NCAM2: variants seen among roughly 807,000 people sequenced by gnomAD.
NCAM2 encodes N-CAM-2.
In NCAM2, 30 loss-of-function variants were observed where a neutral mutation model predicts 98.1. The observed-to-expected ratio is 0.31, with a 90% CI of 0.23 to 0.41. The LOEUF (loss-of-function observed/expected upper bound fraction) is 0.41. NCAM2 is among the 10% of genes least tolerant of loss of function. The pLI is 1.00. For missense variants in NCAM2, 867 were observed against 1,005.8 expected, an observed-to-expected ratio of 0.86 and a Z score of 1.87; for synonymous variants, 368 against 342.4, an observed-to-expected ratio of 1.07 and a Z score of -0.83.
intron 1 of NCAM2, among the ~76,000 whole-genome samples, chr21:21,204,875 A>C (rs2147047884): frequency 6.6e-6 from 1 of 152,240 alleles, no homozygotes; most frequent in South Asian, 2.1e-4. Context: ...ATTTTCATAT[A>C]AATATAGAAC....
intron 1 of NCAM2, among the ~76,000 whole-genome samples, chr21:21,261,192 G>T (rs932470728): frequency 2.6e-5 from 4 of 152,064 alleles, no homozygotes; most frequent in African/African-American, 9.7e-5. Flanking sequence ...AGCACAGCCA[G>T]ATTTAAAAAA....
At chr21:21,259,119 A>G (rs1028386520) in intron 1 of NCAM2, among the ~76,000 whole-genome samples, 2 of 151,934 alleles carry the variant, frequency 1.3e-5, no homozygotes, top group Admixed American at 1.3e-4. Context: ...CGGTGGCTCC[A>G]CTCCCCCTGA....
intron 1 of NCAM2, among the ~76,000 whole-genome samples, chr21:21,154,082 A>AT (rs2067534761): frequency 6.6e-6 from 1 of 151,918 alleles, no homozygotes; most frequent in Non-Finnish European, 1.5e-5. Context: ...TGCCTGCTGC[A>AT]TGTTCATGTA....
At chr21:21,465,466 G>A (rs930624617) in intron 12 of NCAM2, among the ~76,000 whole-genome samples, 21 of 150,512 alleles carry the variant, frequency 1.4e-4, no homozygotes, top group African/African-American at 5.1e-4. Flanking sequence ...AAATATTGAG[G>A]AAAAGAATGG....
intron 1 of NCAM2, among the ~76,000 whole-genome samples, chr21:21,113,227 T>C (rs1431793368): frequency 1.3e-5 from 2 of 152,190 alleles, no homozygotes; most frequent in Non-Finnish European, 2.9e-5. Context: ...TTTGCGCTAG[T>C]AGGCAAAAGC....
At chr21:21,259,377 C>G (rs2071804614) in intron 1 of NCAM2, among the ~76,000 whole-genome samples, 2 of 151,642 alleles carry the variant, frequency 1.3e-5, no homozygotes, top group South Asian at 4.3e-4. Flanking sequence ...GTCGTAAGTC[C>G]TGCAGTAGCA....
chr21:21,382,729 G>A lies in NCAM2; in HGVS notation c.1195+8716G>A, dbSNP rs970727817. Among the ~76,000 whole-genome samples the A allele has an allele frequency of 4.0e-5, 6 of 151,596 alleles. No individual in the cohort carries two copies. The South Asian group carries it at 6.3e-4, about 16-fold the overall frequency. On this transcript the variant is annotated intron_variant, in intron 9 of 17. Coordinates refer to ENST00000400546, the MANE Select transcript of NCAM2 (RefSeq NM_004540.5). Reference sequence around the variant, plus strand: ...GTATTTTTAGTAGAGACGGGGTTTCGCCATGTTGGCCAAGCTGGTCTCAGA... The same window carrying A: ...GTATTTTTAGTAGAGACGGGGTTTCACCATGTTGGCCAAGCTGGTCTCAGA...
chr21:21,218,033 G>A (rs910218648), intron 1 of NCAM2, among the ~76,000 whole-genome samples: 3 of 152,170 alleles, frequency 2.0e-5, no homozygotes, highest in East Asian at 1.9e-4. Flanking sequence ...CTGTGCAGAC[G>A]GCTAGCTGTT....
At chr21:21,368,372 C>G (rs1220732572) in intron 8 of NCAM2, among the ~76,000 whole-genome samples, 1 of 151,868 alleles carries the variant, frequency 6.6e-6, no homozygotes, top group African/African-American at 2.4e-5. Flanking sequence ...TCACTCTTTT[C>G]CATTTTCACT....
At chr21:21,262,076 C>T (rs929071287) in intron 1 of NCAM2, among the ~76,000 whole-genome samples, 5 of 152,128 alleles carry the variant, frequency 3.3e-5, no homozygotes, top group Admixed American at 6.6e-5. Flanking sequence ...CCACTATGAA[C>T]ATCTCTATGC....
At position 21,247,211 on chromosome 21, in the gene NCAM2, C is replaced by T. The variant is rs182868952; in HGVS notation, c.56-33367C>T. Among the ~76,000 whole-genome samples, 80 of 151,834 alleles carry T rather than the reference C, an allele frequency of 5.3e-4. 2 individuals are homozygous for T. The East Asian group carries it at 0.013, about 24-fold the overall frequency. ...GTGGGCACCTGTAGTCCCAGCTACT[C>T]GGGAGGCTGAGGCAGGAGAATGGCG... On this transcript the variant is annotated intron_variant, in intron 1 of 17. Coordinates refer to ENST00000400546, the MANE Select transcript of NCAM2 (RefSeq NM_004540.5).
At chr21:21,373,780 A>G in intron 8 of NCAM2, 83 bp from the exon 9 acceptor site, 1 of 1,157,344 alleles carries the variant, frequency 8.6e-7, no homozygotes, top group Non-Finnish European at 1.2e-6. Context: ...GAAACATGGG[A>G]AGTAACATAA....
intron 2 of NCAM2, 146 bp from the exon 3 acceptor site, chr21:21,284,048 T>C (rs1386791667): frequency 7.7e-6 from 5 of 647,542 alleles, no homozygotes; most frequent in Non-Finnish European, 1.3e-5. Context: ...TGTGTTTACT[T>C]TAAGTTTTGT....
At chr21:21,159,746 ACTCT>A (rs985702790) in intron 1 of NCAM2, among the ~76,000 whole-genome samples, 4 of 149,522 alleles carry the variant, frequency 2.7e-5, no homozygotes, top group Admixed American at 2.7e-4. Flanking sequence ...AACACATGAT[ACTCT>A]CTCTCTCCCT....
chr21:21,206,698 A>G (rs542483783), intron 1 of NCAM2, among the ~76,000 whole-genome samples: 2 of 152,234 alleles, frequency 1.3e-5, no homozygotes, highest in South Asian at 2.1e-4. Flanking sequence ...TTTTGTCACA[A>G]TTAGGAATGT....
chr21:21,312,458 A>G (rs950341278), intron 5 of NCAM2, among the ~76,000 whole-genome samples: 1 of 151,602 alleles, frequency 6.6e-6, no homozygotes, highest in African/African-American at 2.4e-5. Flanking sequence ...AGCTCTATTC[A>G]TTAATGTCAT....
Position 21,292,239 on chromosome 21 carries a change from A to T in NCAM2, c.617A>T (p.Asn206Ile). Residue 206 changes from asparagine (N) to isoleucine (I), a missense_variant and splice_region_variant, in exon 5 of 18, where the codon AAT (asparagine) becomes ATT (isoleucine). Physicochemically the swap from Asn to Ile is moderately radical, Grantham distance 149 (BLOSUM62 -3). This residue lies in a region of NCAM2 where 447 missense variants were observed against 495.7 expected (regional missense o/e 0.90). Transcript: ENST00000400546. The part of the protein sequence containing the change: ...IDFRDIIVIV[N>I]VPPAISMPQK... ...TTCCGTGATATCATTGTTATTGTTA[A>T]TGGTAAGCAGTAAATAATTTGTACA... 6.2e-7 allele frequency: 1 copy of T among 1,605,254 alleles called. No individual in the cohort carries two copies. Among genetic ancestry groups the T allele is most frequent in the African/African-American group, 1.3e-5 (1 of 74,508 alleles).
intron 1 of NCAM2, among the ~76,000 whole-genome samples, chr21:21,261,795 TAAGAA>T (rs1237570972): frequency 6.6e-6 from 1 of 151,764 alleles, no homozygotes; most frequent in Non-Finnish European, 1.5e-5. Context: ...CATTGCACCT[TAAGAA>T]ACTAGAAAAA....
intron 12 of NCAM2, among the ~76,000 whole-genome samples, chr21:21,437,892 A>G (rs1276559705): frequency 6.8e-6 from 1 of 146,486 alleles, no homozygotes; most frequent in East Asian, 2.0e-4. Context: ...GAAAATTAGA[A>G]TACATATTTA....
Sources: gnomAD v4.1 joint callset for allele counts (sites outside exome capture counted in the v4.1 genomes callset) on GRCh38, gnomAD v4.1.1 for gene constraint, gnomAD v4.1.1 regional missense constraint, MANE v1.5 for transcripts, NCBI Gene and HGNC (gene_info 2026-07-23, HGNC 2026-07-21) for gene names.